The following GBE1 variants were observed in gnomAD, a reference collection of about 807,000 sequenced individuals.
GBE1 encodes 1,4-alpha-glucan-branching enzyme.
GBE1 carries 70 observed loss-of-function variants against 88.8 expected under a neutral mutation model. The ratio of observed to expected loss-of-function variants is 0.79; its 90% confidence interval spans 0.65 to 0.96. GBE1 has a LOEUF of 0.96. Among genes scored for constraint, GBE1 ranks in the 40% least tolerant of loss-of-function variants. GBE1 has a pLI of 0.00. For missense variants in GBE1, 872 were observed against 871.0 expected (o/e 1.00, Z -0.01); for synonymous variants, 284 against 300.1 (o/e 0.95, Z 0.56).
chr3:81,600,289 T>A (rs190580935), intron 7 of GBE1, among the ~76,000 whole-genome samples: 45 of 152,074 alleles, frequency 3.0e-4, no homozygotes, highest in African/African-American at 1.1e-3. Context: ...AATAAATAAA[T>A]GACTAAATAA....
chr3:81,653,467 CAGAG>C (rs1323532233), intron 3 of GBE1, among the ~76,000 whole-genome samples: 3 of 151,462 alleles, frequency 2.0e-5, no homozygotes, highest in Non-Finnish European at 4.4e-5. Flanking sequence ...GCCTGGACAA[CAGAG>C]AAAGACCCTG....
At chr3:81,579,711 G>A (rs978693992) in intron 11 of GBE1, among the ~76,000 whole-genome samples, 1 of 151,488 alleles carries the variant, frequency 6.6e-6, no homozygotes, top group Admixed American at 6.6e-5. Context: ...TTCTAGATTG[G>A]GTTCTTCTTT....
rs140431966 is a variant in GBE1 at position 81,517,916 on chromosome 3, C to T, written c.1934+17279G>A. Among the ~76,000 whole-genome samples the T allele has an allele frequency of 2.4e-3, 360 of 151,450 alleles. 1 individual carries two copies. The highest frequency in any genetic ancestry group is 5.6e-3 in the South Asian group (27 of 4,818). ...GTTCATCAACCCCTCTATCCATACT[C>T]CTATCAGAGATTTAGCTCTCTGTTT... On this transcript the variant is annotated intron_variant, in intron 14 of 15. Transcript: ENST00000429644.
chr3:81,637,232 T>C (rs1379139654), intron 7 of GBE1, among the ~76,000 whole-genome samples: 1 of 152,184 alleles, frequency 6.6e-6, no homozygotes, highest in Non-Finnish European at 1.5e-5. Context: ...GAAGATAAGG[T>C]ACCTATATGA....
chr3:81,706,947 A>ATTT lies in GBE1; in HGVS notation c.144-1335_144-1334insAAA, dbSNP rs1296667827. The stretch of plus-strand genomic sequence containing the variant: ...TTGAGAATTGAAATAATTAAAGAAA[A>ATTT]ACAATGAATTTGAATATATTAAAAA... On this transcript the variant is annotated intron_variant, in intron 1 of 15. Coordinates refer to ENST00000429644, the MANE Select transcript of GBE1 (RefSeq NM_000158.4). Among the ~76,000 whole-genome samples, 4 of 152,164 alleles carry ATTT rather than the reference A, an allele frequency of 2.6e-5. No homozygotes were observed. The East Asian group carries it at 5.8e-4, about 22-fold the overall frequency.
At chr3:81,591,938 T>C (rs1217314678) in intron 8 of GBE1, among the ~76,000 whole-genome samples, 2 of 152,172 alleles carry the variant, frequency 1.3e-5, no homozygotes, top group African/African-American at 2.4e-5. Flanking sequence ...TTCTTTCATG[T>C]TTATATTTCA....
intron 2 of GBE1, among the ~76,000 whole-genome samples, chr3:81,679,981 G>A (rs900025724): frequency 8.5e-5 from 13 of 152,100 alleles, no homozygotes; most frequent in Admixed American, 3.3e-4. Context: ...ATCTGGCCGC[G>A]CTTTCTCCTC....
chr3:81,623,264 C>T (rs1260779362), intron 7 of GBE1, among the ~76,000 whole-genome samples: 1 of 152,212 alleles, frequency 6.6e-6, no homozygotes, highest in South Asian at 2.1e-4. Context: ...AACCCCACTG[C>T]CCCTGCAGGG....
intron 7 of GBE1, among the ~76,000 whole-genome samples, chr3:81,622,911 C>T (rs553813557): frequency 4.2e-4 from 64 of 152,290 alleles, no homozygotes; most frequent in African/African-American, 1.5e-3. Flanking sequence ...CCTGATGCTA[C>T]TGCACTGATC....
intron 7 of GBE1, among the ~76,000 whole-genome samples, chr3:81,604,968 G>A (rs556907722): frequency 6.6e-6 from 1 of 151,948 alleles, no homozygotes; most frequent in Admixed American, 6.6e-5. Flanking sequence ...ACACACATGG[G>A]CATTCATGCA....
chr3:81,756,970 C>T, intron 1 of GBE1, among the ~76,000 whole-genome samples: 1 of 152,178 alleles, frequency 6.6e-6, no homozygotes, highest in East Asian at 1.9e-4. Flanking sequence ...CCCACTCCTA[C>T]TAAGCTAAAT....
At chr3:81,495,690 A>C (rs1233231292) in intron 15 of GBE1, among the ~76,000 whole-genome samples, 1 of 152,174 alleles carries the variant, frequency 6.6e-6, no homozygotes, top group East Asian at 1.9e-4. Flanking sequence ...AAGTAAACTA[A>C]AAATCAAGAT....
chr3:81,740,492 C>T lies in GBE1; in HGVS notation c.143+20883G>A, dbSNP rs571184864. ...GAATTACATGGTCTCATGTTGGAGA[C>T]CACTTAACTTCTAATTATTATTTTT... On this transcript the variant is annotated intron_variant, in intron 1 of 15. Coordinates refer to ENST00000429644, the MANE Select transcript of GBE1 (RefSeq NM_000158.4). 1.1e-4 allele frequency among the ~76,000 whole-genome samples: 16 copies of T among 151,786 alleles called. No homozygotes were observed. The South Asian group carries it at 2.9e-3, about 28-fold the overall frequency.
intron 12 of GBE1, among the ~76,000 whole-genome samples, chr3:81,544,505 T>C (rs1474628202): frequency 6.6e-6 from 1 of 152,302 alleles, no homozygotes; most frequent in East Asian, 1.9e-4. Flanking sequence ...ATTCATGGTA[T>C]GATTCATTGC....
intron 3 of GBE1, among the ~76,000 whole-genome samples, chr3:81,658,923 T>C (rs1447864504): frequency 6.6e-6 from 1 of 152,152 alleles, no homozygotes; most frequent in Non-Finnish European, 1.5e-5. Context: ...CATGTAAAGA[T>C]TGATTAGGTG....
rs1041449318 is a variant in GBE1, at chr3:81,747,813, C to G, written c.143+13562G>C. On this transcript the variant is annotated intron_variant, in intron 1 of 15. Coordinates refer to ENST00000429644, the MANE Select transcript of GBE1 (RefSeq NM_000158.4). ...CGCCCCTGCCCACCAGAGAACAACCCCCTTTGACTGTAATTTTCCATTACC... is the reference window on the plus strand; with the variant it reads ...CGCCCCTGCCCACCAGAGAACAACCGCCTTTGACTGTAATTTTCCATTACC... 9.9e-5 allele frequency among the ~76,000 whole-genome samples: 15 copies of G among 152,278 alleles called. No homozygotes were observed. In the East Asian group the frequency reaches 2.9e-3, roughly 29 times the overall value.
intron 1 of GBE1, among the ~76,000 whole-genome samples, chr3:81,714,924 C>A (rs1279533115): frequency 6.6e-6 from 1 of 152,106 alleles, no homozygotes; most frequent in Non-Finnish European, 1.5e-5. Context: ...TATAAAGCCA[C>A]TAATCACGTC....
chr3:81,737,359 TTATATA>T (rs1553695456), intron 1 of GBE1, among the ~76,000 whole-genome samples: 3 of 38,268 alleles, frequency 7.8e-5, no homozygotes, highest in African/African-American at 2.4e-4. Flanking sequence ...AAATATATAT[TTATATA>T]TTTATATATA....
At position 81,671,028 on chromosome 3, in the gene GBE1, T is replaced by C. The variant is rs938885796; in HGVS notation, c.314-75A>G. 14 of 592,690 alleles carry C rather than the reference T, an allele frequency of 2.4e-5. No individual in the cohort carries two copies. In the South Asian group the frequency reaches 4.2e-4, roughly 18 times the overall value. 36.7% of individuals were successfully genotyped at this position (592,690 alleles called of 1,614,324 possible). ...TTAATGAATTTCAAGAAAAACAAAA[T>C]ACTGCTTTACTTGCACAAAAAATCA... On this transcript the variant is annotated intron_variant, in intron 2 of 15. Transcript: ENST00000429644.
Sources: allele counts gnomAD v4.1 joint callset (sites outside exome capture counted in the v4.1 genomes callset), GRCh38; gene constraint gnomAD v4.1.1; transcripts MANE v1.5; gene names NCBI Gene and HGNC (gene_info 2026-07-23, HGNC 2026-07-21).